The following TMEM181 variants were observed in gnomAD, a reference collection of about 807,000 sequenced individuals.
TMEM181 encodes G protein-coupled receptor 178.
A neutral mutation model predicts 71.9 loss-of-function variants in TMEM181; 39 were observed. The ratio of observed to expected loss-of-function variants is 0.54; its 90% CI spans 0.42 to 0.71. TMEM181 has a LOEUF of 0.71. Ranked by LOEUF, TMEM181 falls within the 30% of genes least tolerant of loss-of-function variation. The pLI, the probability that TMEM181 is intolerant of heterozygous loss-of-function variation, is 0.00. For synonymous variants in TMEM181, 245 were observed against 228.8 expected, an observed-to-expected ratio of 1.07 and a Z score of -0.64; for missense variants, 595 against 583.0, an observed-to-expected ratio of 1.02 and a Z score of -0.21.
chr6:158,584,673 G>A (rs552899175), intron 4 of TMEM181, among the ~76,000 whole-genome samples: 2 of 152,306 alleles, frequency 1.3e-5, no homozygotes, highest in South Asian at 4.1e-4. Context: ...AGACACTCTG[G>A]TTGAGAAAGA....
chr6:158,595,141 T>C (rs1358523498), intron 6 of TMEM181, among the ~76,000 whole-genome samples: 1 of 152,262 alleles, frequency 6.6e-6, no homozygotes, highest in Admixed American at 6.5e-5. Context: ...TTTTGCTGAA[T>C]TGTACTAATT....
At chr6:158,594,530 CATGGA>C (rs1341892352) in intron 6 of TMEM181, among the ~76,000 whole-genome samples, 1 of 152,116 alleles carries the variant, frequency 6.6e-6, no homozygotes, top group Non-Finnish European at 1.5e-5. Context: ...TTCTTTTTAT[CATGGA>C]ATAATATTTC....
rs1786511005 is a variant in TMEM181 at position 158,629,038 on chromosome 6, C to T, written c.1192+548C>T. On this transcript the variant is annotated intron_variant, in intron 14 of 16. Transcript: ENST00000684151. ...AAGAGCTCAGAAAATACTGGGACCCCCTTCGATTCCCGCTGTGCCTGAGGC... is the reference window on the plus strand; with the variant it reads ...AAGAGCTCAGAAAATACTGGGACCCTCTTCGATTCCCGCTGTGCCTGAGGC... 3.9e-5 allele frequency among the ~76,000 whole-genome samples: 6 copies of T among 152,188 alleles called. No individual in the cohort carries two copies. In the South Asian group the frequency reaches 1.2e-3, roughly 32 times the overall value.
At chr6:158,591,851 C>G (rs577997537) in intron 6 of TMEM181, among the ~76,000 whole-genome samples, 2 of 152,250 alleles carry the variant, frequency 1.3e-5, no homozygotes, top group South Asian at 4.1e-4. Flanking sequence ...GTCCTTCCAT[C>G]TTTTGTATCT....
chr6:158,552,262 T>C (rs1474288342), intron 1 of TMEM181, among the ~76,000 whole-genome samples: 4 of 152,322 alleles, frequency 2.6e-5, no homozygotes, highest in Admixed American at 2.6e-4. Flanking sequence ...CCTCCTGCAG[T>C]GTGATTGCAC....
chr6:158,537,906 C>G (rs77917407), intron 1 of TMEM181, among the ~76,000 whole-genome samples: 3,064 of 152,192 alleles, frequency 0.02, 106 homozygotes, highest in African/African-American at 0.069. Context: ...TTCCCACGGG[C>G]TAATCAGCAA....
At chr6:158,619,307 C>T (rs752215706) in intron 10 of TMEM181, among the ~76,000 whole-genome samples, 2 of 152,174 alleles carry the variant, frequency 1.3e-5, no homozygotes, top group Non-Finnish European at 2.9e-5. Flanking sequence ...CTTGTGCATG[C>T]GTCACGTAGT....
intron 2 of TMEM181, among the ~76,000 whole-genome samples, chr6:158,580,545 G>A (rs1405972047): frequency 6.6e-6 from 1 of 152,196 alleles, no homozygotes; most frequent in Non-Finnish European, 1.5e-5. Flanking sequence ...TGGATGAGCA[G>A]ATAAGTGTGT....
At chr6:158,591,675 T>C (rs1784118141) in intron 6 of TMEM181, among the ~76,000 whole-genome samples, 1 of 152,062 alleles carries the variant, frequency 6.6e-6, no homozygotes, top group African/African-American at 2.4e-5. Context: ...ATCATTCTGA[T>C]TCAACAGTGC....
chr6:158,588,230 C>T (rs1783894620), intron 5 of TMEM181, among the ~76,000 whole-genome samples: 1 of 152,204 alleles, frequency 6.6e-6, no homozygotes, highest in African/African-American at 2.4e-5. Context: ...GCAGGGCAGC[C>T]CCTCCCTGCG....
chr6:158,542,625 G>A (rs1300935483), intron 1 of TMEM181, among the ~76,000 whole-genome samples: 1 of 152,128 alleles, frequency 6.6e-6, no homozygotes, highest in Non-Finnish European at 1.5e-5. Context: ...TTGTTTTTGA[G>A]GCAGAGTCTT....
At chr6:158,600,355 G>A (rs940346386) in intron 6 of TMEM181, among the ~76,000 whole-genome samples, 1 of 151,712 alleles carries the variant, frequency 6.6e-6, no homozygotes, top group African/African-American at 2.4e-5. Context: ...TCTCCATGTT[G>A]GTCAGGCTGG....
chr6:158,555,844 C>T (rs556055348), upstream of TMEM181, among the ~76,000 whole-genome samples: 14 of 150,094 alleles, frequency 9.3e-5, no homozygotes, highest in African/African-American at 3.2e-4. Context: ...AGCCATCGTG[C>T]GCCCACCGTT....
Position 158,583,934 on chromosome 6 carries a change from CTT to C in TMEM181, c.169-18_169-17del. On this transcript the variant is annotated intron_variant, in intron 3 of 16. Coordinates refer to ENST00000684151, the MANE Select transcript of TMEM181 (RefSeq NM_001376852.1). ...CTCAATGAAAAGGTCACATGGATTA[CTT>C]TGTTTTTTTTTCTTCAGCTAAAGCC... 1 of 1,576,316 alleles carries C rather than the reference CTT, an allele frequency of 6.3e-7. No individual in the cohort carries two copies. The highest frequency in any genetic ancestry group is 8.6e-7 in the Non-Finnish European group (1 of 1,157,724).
intron 6 of TMEM181, among the ~76,000 whole-genome samples, chr6:158,597,366 TC>T (rs1784435877): frequency 6.6e-6 from 1 of 152,192 alleles, no homozygotes; most frequent in African/African-American, 2.4e-5. Context: ...AAGTCCAGGA[TC>T]CAGGCACTGG....
chr6:158,607,465 G>A, intron 8 of TMEM181, 122 bp downstream of exon 8: 4 of 848,082 alleles, frequency 4.7e-6, no homozygotes, highest in Non-Finnish European at 3.8e-6. Context: ...ACTGCTTGAA[G>A]CCAGGAGTTT....
chr6:158,587,819 TAAGTATATGCAGCCTG>T (rs894040053), intron 5 of TMEM181, among the ~76,000 whole-genome samples: 3 of 152,096 alleles, frequency 2.0e-5, no homozygotes, highest in African/African-American at 7.2e-5. Context: ...TTTAAACTCG[TAAGTATATGCAGCCTG>T]AGATACAGCT....
intron 1 of TMEM181, 35 bp downstream of exon 1, chr6:158,560,267 TCTCCGGACA>T (rs1782080002): frequency 1.0e-6 from 1 of 984,880 alleles, no homozygotes; most frequent in Non-Finnish European, 1.2e-6. Context: ...GCTGGCTGGC[TCTCCGGACA>T]CTCCGGCCGA....
chr6:158,628,160 TC>T, intron 13 of TMEM181: 1 of 663,316 alleles, frequency 1.5e-6, no homozygotes, highest in South Asian at 1.5e-5. Context: ...GCAGGGTTCA[TC>T]CTGTCCCTGC....
Sources: allele counts gnomAD v4.1 joint callset (sites outside exome capture counted in the v4.1 genomes callset), GRCh38; gene constraint gnomAD v4.1.1; transcripts MANE v1.5; gene names NCBI Gene and HGNC (gene_info 2026-07-23, HGNC 2026-07-21).